The following RIOK1 variants were observed in gnomAD, a reference collection of about 807,000 sequenced individuals.
RIOK1 encodes serine/threonine-protein kinase RIO1.
A neutral mutation model predicts 73.5 loss-of-function variants in RIOK1; 66 were observed. The ratio of observed to expected loss-of-function variants is 0.90; its 90% confidence interval spans 0.74 to 1.10. The LOEUF (loss-of-function observed/expected upper bound fraction) is 1.10, where lower values mean the gene tolerates loss of function less well. RIOK1 is among the 50% of genes least tolerant of loss of function. The probability of loss-of-function intolerance (pLI) is 0.00; values close to 1 mark genes in which losing one functional copy is unlikely to be tolerated. For synonymous variants in RIOK1, 224 were observed against 226.8 expected, an observed-to-expected ratio of 0.99 and a Z score of 0.11; for missense variants, 658 against 699.8, an observed-to-expected ratio of 0.94 and a Z score of 0.67.
intron 12 of RIOK1, among the ~76,000 whole-genome samples, chr6:7,405,995 CTTTCTTTTTT>C (rs1761736625): frequency 6.8e-6 from 1 of 147,494 alleles, no homozygotes. Flanking sequence ...TCTTTTCTTT[CTTTCTTTTTT>C]TTTCTTTTTT....
intron 15 of RIOK1, 51 bp downstream of exon 15, chr6:7,412,993 A>T: frequency 1.0e-6 from 1 of 1,001,100 alleles, no homozygotes; most frequent in Non-Finnish European, 1.5e-6. Context: ...GTTTTAAAGG[A>T]TATAAACTCT....
chr6:7,414,528 T>C (rs1441095596), intron 16 of RIOK1, 138 bp downstream of exon 16: 2 of 825,116 alleles, frequency 2.4e-6, no homozygotes, highest in Non-Finnish European at 3.7e-6. Context: ...TTTTAATACC[T>C]AAGTGTGAAC....
chr6:7,413,204 G>A (rs931358774), intron 15 of RIOK1, among the ~76,000 whole-genome samples: 6 of 152,090 alleles, frequency 3.9e-5, no homozygotes, highest in African/African-American at 1.4e-4. Context: ...TGCAGGTGAG[G>A]TATTTATCTT....
intron 8 of RIOK1, among the ~76,000 whole-genome samples, chr6:7,403,169 C>T (rs1039151385): frequency 4.6e-5 from 7 of 152,182 alleles, no homozygotes; most frequent in African/African-American, 1.7e-4. Flanking sequence ...TTTGGAAGGC[C>T]TTGTAAGCCA....
At chr6:7,401,880 T>C (rs543995786) in intron 6 of RIOK1, among the ~76,000 whole-genome samples, 7 of 152,204 alleles carry the variant, frequency 4.6e-5, no homozygotes, top group African/African-American at 1.7e-4. Context: ...GGTTTTGCCA[T>C]GTTGACCAGG....
intron 15 of RIOK1, among the ~76,000 whole-genome samples, chr6:7,413,616 C>T (rs1761936674): frequency 6.6e-6 from 1 of 152,106 alleles, no homozygotes; most frequent in African/African-American, 2.4e-5. Context: ...TAACAGGTGT[C>T]ATAAGGAAGT....
chr6:7,395,193 C>T (rs1761442155), intron 3 of RIOK1, 50 bp downstream of exon 3: 3 of 1,561,296 alleles, frequency 1.9e-6, no homozygotes, highest in South Asian at 2.3e-5. Flanking sequence ...TTTCAAAAAC[C>T]ATGGAGTGTT....
intron 12 of RIOK1, among the ~76,000 whole-genome samples, chr6:7,408,651 G>A (rs1189942136): frequency 1.3e-5 from 2 of 151,724 alleles, no homozygotes; most frequent in Non-Finnish European, 2.9e-5. Flanking sequence ...AATCACATCT[G>A]TTAATGGAAT....
At chr6:7,393,454 TC>T (rs1265468840) in intron 2 of RIOK1, 151 bp downstream of exon 2, 1 of 630,218 alleles carries the variant, frequency 1.6e-6, no homozygotes, top group East Asian at 2.6e-5. Context: ...TTTTCACTTT[TC>T]ATCCTTTCTG....
At chr6:7,404,077 A>G (rs776797150) in intron 9 of RIOK1, 50 bp downstream of exon 9, 6 of 1,222,844 alleles carry the variant, frequency 4.9e-6, no homozygotes, top group Non-Finnish European at 7.2e-6. Context: ...TGTATTTTTA[A>G]GTTCTTTGAG....
chr6:7,408,346 G>A (rs1761800788), intron 12 of RIOK1, among the ~76,000 whole-genome samples: 1 of 152,120 alleles, frequency 6.6e-6, no homozygotes, highest in African/African-American at 2.4e-5. Context: ...CAGGTCTTCA[G>A]GTTTTATCCT....
intron 12 of RIOK1, among the ~76,000 whole-genome samples, chr6:7,409,795 C>CAA (rs34196824): frequency 8.2e-4 from 85 of 103,140 alleles, no homozygotes; most frequent in African/African-American, 3.2e-3. Flanking sequence ...TGTCTAAACT[C>CAA]AAAAAAAAAA....
chr6:7,402,742 G>C (rs983211420), intron 7 of RIOK1, 27 bp downstream of exon 7: 1 of 1,604,428 alleles, frequency 6.2e-7, no homozygotes. Flanking sequence ...CCCTCCAGTT[G>C]GTTTAATTTC....
At chr6:7,410,502 G>A in intron 13 of RIOK1, 51 bp downstream of exon 13, 1 of 1,002,738 alleles carries the variant, frequency 1.0e-6, no homozygotes, top group Non-Finnish European at 1.4e-6. Context: ...TGTTTTGAGG[G>A]TTTTTTTTTT....
Position 7,402,855 on chromosome 6 carries a change from TG to T in RIOK1, c.727del (p.Val243Ter). The T allele has an allele frequency of 6.2e-7, 1 of 1,613,872 alleles. No individual in the cohort carries two copies. The highest frequency in any genetic ancestry group is 8.5e-7 in the Non-Finnish European group (1 of 1,179,900). On this transcript the variant is annotated frameshift_variant, in exon 8 of 17. Coordinates refer to ENST00000379834, the MANE Select transcript of RIOK1 (RefSeq NM_031480.3). LOFTEE classifies it high-confidence loss of function. ...HGYCKGNPRK[M>X]VKTWAEKEMR... Reference sequence around the variant, plus strand: ...TATTGTAAAGGAAACCCTAGGAAAATGGTGAAAACTTGGGCAGAAAAAGAAA... The same window carrying T: ...TATTGTAAAGGAAACCCTAGGAAAATGTGAAAACTTGGGCAGAAAAAGAAA...
chr6:7,402,853 A>C lies in RIOK1; in HGVS notation c.723A>C (p.Lys241Asn), dbSNP rs1203555062. 1 of 1,614,008 alleles carries C rather than the reference A, an allele frequency of 6.2e-7. No homozygotes were observed. Among genetic ancestry groups the C allele is most frequent in the Non-Finnish European group, 8.5e-7 (1 of 1,179,928 alleles). Residue 241 changes from lysine to asparagine, a missense_variant, in exon 8 of 17, where the codon AAA becomes AAC. By Grantham distance (94) the Lys-to-Asn change is moderately conservative (BLOSUM62 0). Transcript: ENST00000379834. ...GCTATTGTAAAGGAAACCCTAGGAA[A>C]ATGGTGAAAACTTGGGCAGAAAAAG... ...RHGYCKGNPRKMVKTWAEKEM... is the reference protein window; with the variant it reads ...RHGYCKGNPRNMVKTWAEKEM...
At position 7,404,001 on chromosome 6, in the gene RIOK1, C is replaced by T; in HGVS notation, c.828C>T (p.Val276=). 6.2e-7 allele frequency: 1 copy of T among 1,611,188 alleles called. No individual in the cohort carries two copies. Among genetic ancestry groups the T allele is most frequent in the Non-Finnish European group, 8.5e-7 (1 of 1,177,956 alleles). ...EPIMLRSHVL[V]MSFIGKDDMP... ...TAATGCTAAGAAGTCATGTTCTTGT[C>T]ATGAGTTTCATCGGTAAAGATGACA... is the stretch of plus-strand genomic sequence containing the variant. Residue 276 remains valine (V), a synonymous_variant, in exon 9 of 17, where the codon GTC becomes GTT. Coordinates refer to ENST00000379834, the MANE Select transcript of RIOK1 (RefSeq NM_031480.3).
chr6:7,415,443 C>A (rs1761977109), intron 16 of RIOK1, among the ~76,000 whole-genome samples: 2 of 152,068 alleles, frequency 1.3e-5, no homozygotes, highest in African/African-American at 4.8e-5. Context: ...GCTGAAGTTG[C>A]TGGTGAGAAT....
chr6:7,391,699 C>T (rs1561872926), intron 1 of RIOK1, among the ~76,000 whole-genome samples: 2 of 152,288 alleles, frequency 1.3e-5, no homozygotes, highest in South Asian at 4.1e-4. Context: ...TATGTCACAG[C>T]TGGGGGTGGT....
Sources: gnomAD v4.1 joint callset for allele counts (sites outside exome capture counted in the v4.1 genomes callset) on GRCh38, gnomAD v4.1.1 for gene constraint, MANE v1.5 for transcripts, NCBI Gene and HGNC (gene_info 2026-07-23, HGNC 2026-07-21) for gene names.